CIB1: variants seen among roughly 807,000 people sequenced by gnomAD.
CIB1 encodes calcium and integrin binding 1.
In CIB1, 19 loss-of-function variants were observed where a neutral mutation model predicts 25.0. The ratio of observed to expected loss-of-function variants is 0.76; its 90% CI spans 0.53 to 1.12. CIB1 has a LOEUF of 1.12. Among genes scored for constraint, CIB1 ranks in the 50% most tolerant of loss-of-function variants. The pLI, the probability that CIB1 is intolerant of heterozygous loss-of-function variation, is 0.00. For missense variants in CIB1, 236 were observed against 242.6 expected (o/e 0.97, Z 0.18); for synonymous variants, 104 against 98.5 (o/e 1.06, Z -0.33).
the CIB1 span, chr15:90,264,687 A>G: frequency 2.7e-5 from 42 of 1,531,370 alleles, no homozygotes; most frequent in Non-Finnish European, 3.4e-5. Context: ...TTCTGTGAAT[A>G]CCAACTCAGG....
the CIB1 span, among the ~76,000 whole-genome samples, chr15:90,240,427 G>A: frequency 6.6e-6 from 1 of 152,018 alleles, no homozygotes; most frequent in South Asian, 2.1e-4. Context: ...AGAATCACTT[G>A]AACCCAGGAG....
the CIB1 span, among the ~76,000 whole-genome samples, chr15:90,251,152 C>A: frequency 8.5e-6 from 1 of 117,774 alleles, no homozygotes; most frequent in Non-Finnish European, 1.6e-5. Context: ...CTCGCTCTGT[C>A]GCCCAGGCTG....
the CIB1 span, among the ~76,000 whole-genome samples, chr15:90,248,990 ACGTGGCCTTACCATGG>A: frequency 6.6e-6 from 1 of 152,102 alleles, no homozygotes; most frequent in South Asian, 2.1e-4. Context: ...CTTGAAAGGC[ACGTGGCCTTACCATGG>A]CTGTCACTCT....
At chr15:90,236,037 A>G (rs897132597), upstream of CIB1, 1 of 151,918 alleles carries the variant, frequency 6.6e-6, no homozygotes, top group African/African-American at 2.4e-5. Flanking sequence ...GGTAATAAGT[A>G]TCTGTCTTCT....
In CIB1 at chr15:90,231,011, C is replaced by T; in HGVS notation, c.477G>A (p.Glu159=). The stretch of plus-strand genomic sequence containing the variant: ...TGGTTCCATCCCTGTCAATGTCAGA[C>T]TCCTCCAGGATCTGGGAAAGGGAGA... The part of the protein sequence containing the change: ...MKQLIDNILE[E]SDIDRDGTIN... Residue 159 remains glutamate, a synonymous_variant, in exon 6 of 7, where the codon GAG becomes GAA. Transcript: ENST00000328649. The T allele has an allele frequency of 1.2e-6, 2 of 1,614,126 alleles. No individual in the cohort carries two copies.
At chr15:90,265,739 G>T in the CIB1 span, 3 of 1,613,336 alleles carry the variant, frequency 1.9e-6, no homozygotes, top group Middle Eastern at 1.7e-4. Flanking sequence ...GTCTCTTGCT[G>T]GGCGGGCGCG....
chr15:90,232,401 G>A, intron 2 of CIB1, 74 bp from the exon 3 acceptor site: 1 of 1,499,430 alleles, frequency 6.7e-7, no homozygotes, highest in South Asian at 1.3e-5. Context: ...CTCCTTGCCT[G>A]CTGCTCATTG....
chr15:90,247,304 T>C, the CIB1 span, among the ~76,000 whole-genome samples: 4 of 149,526 alleles, frequency 2.7e-5, no homozygotes, highest in Non-Finnish European at 4.4e-5. Context: ...TTTTCTTTTT[T>C]TTTTTTTTTT....
the CIB1 span, chr15:90,241,124 G>C: frequency 1.2e-6 from 2 of 1,614,192 alleles, no homozygotes; most frequent in Non-Finnish European, 1.7e-6. Context: ...AGCGGGTGGA[G>C]CTGGGGCTGT....
At chr15:90,240,118 G>T in the CIB1 span, among the ~76,000 whole-genome samples, 1 of 147,988 alleles carries the variant, frequency 6.8e-6, no homozygotes, top group African/African-American at 2.7e-5. Flanking sequence ...AGCTACTTGG[G>T]AGGCTGAGGC....
the CIB1 span, chr15:90,259,216 A>C: frequency 5.1e-6 from 2 of 393,794 alleles, no homozygotes; most frequent in Non-Finnish European, 8.9e-6. Context: ...AAAAGAAACA[A>C]AGGAATAATA....
the CIB1 span, chr15:90,263,186 A>G: frequency 4.7e-6 from 7 of 1,474,800 alleles, no homozygotes; most frequent in Non-Finnish European, 6.3e-6. Context: ...AAAGGGAACA[A>G]GGGCTGTCAT....
the CIB1 span, chr15:90,244,510 T>C: frequency 6.6e-6 from 1 of 152,190 alleles, no homozygotes; most frequent in African/African-American, 2.4e-5. Flanking sequence ...CTCCCTTGAA[T>C]GTTATACAGC....
the CIB1 span, chr15:90,255,845 G>A: frequency 6.2e-7 from 1 of 1,614,178 alleles, no homozygotes; most frequent in Non-Finnish European, 8.5e-7. Flanking sequence ...CTATCCCTCT[G>A]AGTACAACAT....
the CIB1 span, chr15:90,265,458 T>G: frequency 7.4e-7 from 1 of 1,346,236 alleles, no homozygotes; most frequent in Non-Finnish European, 9.5e-7. Flanking sequence ...CGTACTTTAA[T>G]TAAAGTTTAT....
At chr15:90,242,164 T>A in the CIB1 span, 1 of 1,010,286 alleles carries the variant, frequency 9.9e-7, no homozygotes, top group Non-Finnish European at 1.4e-6. Flanking sequence ...CCTGGCTCAC[T>A]GTAGCCTCCA....
At chr15:90,232,703 C>A (rs1962527554) in intron 2 of CIB1, among the ~76,000 whole-genome samples, 1 of 152,128 alleles carries the variant, frequency 6.6e-6, no homozygotes. Context: ...GGTCAGGCGT[C>A]TGAGACCAGT....
At chr15:90,249,838 G>A in the CIB1 span, 1 of 152,258 alleles carries the variant, frequency 6.6e-6, no homozygotes, top group Non-Finnish European at 1.5e-5. Flanking sequence ...ACAGCCCAAA[G>A]GGTCTTAGCC....
the CIB1 span, among the ~76,000 whole-genome samples, chr15:90,255,322 A>G: frequency 3.9e-5 from 6 of 152,186 alleles, no homozygotes; most frequent in Admixed American, 1.3e-4. Flanking sequence ...AGTGGGTGCC[A>G]TGGCATCACA....
Sources: gnomAD v4.1 joint callset for allele counts (sites outside exome capture counted in the v4.1 genomes callset) on GRCh38, gnomAD v4.1.1 for gene constraint, MANE v1.5 for transcripts, NCBI Gene and HGNC (gene_info 2026-07-23, HGNC 2026-07-21) for gene names.